FILIP1: variants seen among roughly 807,000 people sequenced by gnomAD.
FILIP1 encodes the protein filamin A interacting protein 1, also known as filamin-A-interacting protein 1.
Under a neutral mutation model 102.1 loss-of-function variants are expected in FILIP1, and 61 were observed. The ratio of observed to expected loss-of-function variants is 0.60; its 90% CI spans 0.49 to 0.74. The LOEUF (loss-of-function observed/expected upper bound fraction) is 0.74. FILIP1 is among the 30% of genes least tolerant of loss of function. The pLI, the probability that FILIP1 is intolerant of heterozygous loss-of-function variation, is 0.00. For synonymous variants in FILIP1, 491 were observed against 526.9 expected (o/e 0.93, Z 0.93); for missense variants, 1,314 against 1,441.2 (o/e 0.91, Z 1.43).
At chr6:75,343,494 G>A (rs567985348) in intron 4 of FILIP1, among the ~76,000 whole-genome samples, 5 of 152,192 alleles carry the variant, frequency 3.3e-5, no homozygotes, top group African/African-American at 1.2e-4. Flanking sequence ...CCCTCCTACA[G>A]CATAAACTTC....
intron 4 of FILIP1, among the ~76,000 whole-genome samples, chr6:75,336,663 T>A (rs1390232470): frequency 6.6e-6 from 1 of 152,164 alleles, no homozygotes; most frequent in Non-Finnish European, 1.5e-5. Flanking sequence ...TAGAGACAAA[T>A]GATAATAGCA....
At chr6:75,295,816 G>A (rs528876245) in exon 7 of FILIP1, 9 of 747,722 alleles carry the variant, frequency 1.2e-5, no homozygotes, top group Middle Eastern at 2.5e-4. Flanking sequence ...GTAGTGATCA[G>A]TAGCATGGAG....
intron 1 of FILIP1, chr6:75,458,062 C>G (rs981233195): frequency 6.6e-6 from 1 of 152,144 alleles, no homozygotes; most frequent in South Asian, 2.1e-4. Flanking sequence ...AAAAAACAAG[C>G]AAGTTTTTAG....
intron 2 of FILIP1, 65 bp downstream of exon 2, chr6:75,414,632 A>G: frequency 6.9e-7 from 1 of 1,440,174 alleles, no homozygotes; most frequent in Non-Finnish European, 9.5e-7. Context: ...GAACAGATTT[A>G]CATTCTCTTA....
chr6:75,292,316 A>G (rs1182956915), exon 7 of FILIP1: 2 of 152,214 alleles, frequency 1.3e-5, no homozygotes, highest in East Asian at 3.8e-4. Flanking sequence ...ATAGTTCTGC[A>G]TTATTAAAGT....
In FILIP1 at chr6:75,297,233, C is replaced by T. The variant is rs77257566; in HGVS notation, c.3494-1283G>A. On this transcript the variant is annotated intron_variant, in intron 6 of 6. Transcript: ENST00000393004. Reference sequence around the variant, plus strand: ...ACCTAGTATTTAAGTTTTATTTTTACTTATGTAGTTAGTATATAAGTAAAC... The same window carrying T: ...ACCTAGTATTTAAGTTTTATTTTTATTTATGTAGTTAGTATATAAGTAAAC... Among the ~76,000 whole-genome samples, 407 of 152,146 alleles carry T rather than the reference C, an allele frequency of 2.7e-3. 10 individuals carry two copies. The East Asian group carries it at 0.065, about 24-fold the overall frequency.
chr6:75,442,078 G>T (rs977190731), intron 1 of FILIP1, among the ~76,000 whole-genome samples: 1 of 151,756 alleles, frequency 6.6e-6, no homozygotes, highest in African/African-American at 2.4e-5. Flanking sequence ...CTTCTCAGAC[G>T]GGGCGGCCGG....
chr6:75,421,267 A>T (rs1428231364), intron 1 of FILIP1, among the ~76,000 whole-genome samples: 1 of 152,170 alleles, frequency 6.6e-6, no homozygotes, highest in Non-Finnish European at 1.5e-5. Context: ...TGCAGGATGG[A>T]AAGTGGTTAG....
intron 1 of FILIP1, among the ~76,000 whole-genome samples, chr6:75,429,885 T>A (rs1367681632): frequency 6.6e-6 from 1 of 152,198 alleles, no homozygotes; most frequent in Non-Finnish European, 1.5e-5. Flanking sequence ...TGATACTGCA[T>A]AACAAGCACA....
intron 4 of FILIP1, among the ~76,000 whole-genome samples, chr6:75,330,622 T>C (rs1165907592): frequency 2.6e-5 from 4 of 152,222 alleles, no homozygotes; most frequent in African/African-American, 9.6e-5. Context: ...CCTGTAGTTA[T>C]ATTTATGATT....
chr6:75,352,973 C>CCAAA (rs1774861298), intron 4 of FILIP1, among the ~76,000 whole-genome samples: 1 of 146,648 alleles, frequency 6.8e-6, no homozygotes, highest in Non-Finnish European at 1.5e-5. Context: ...TAGTTTTTCT[C>CCAAA]TTTGGAGAGG....
intron 6 of FILIP1, among the ~76,000 whole-genome samples, chr6:75,302,823 CATGAT>C (rs61429237): frequency 0.19 from 29,014 of 149,092 alleles, 3,038 homozygotes; most frequent in Non-Finnish European, 0.24. Context: ...TATGATATGA[CATGAT>C]ATGATATGAT....
intron 4 of FILIP1, among the ~76,000 whole-genome samples, chr6:75,349,294 T>C (rs757199596): frequency 4.6e-5 from 7 of 152,248 alleles, no homozygotes; most frequent in Admixed American, 3.3e-4. Context: ...GCAGGACAAA[T>C]GTGGAGAACG....
chr6:75,438,581 T>C (rs1269195179), intron 1 of FILIP1, among the ~76,000 whole-genome samples: 1 of 152,092 alleles, frequency 6.6e-6, no homozygotes, highest in South Asian at 2.1e-4. Context: ...GCAATTAGCA[T>C]AGGGCTTTCA....
At chr6:75,303,187 G>A (rs1025441314), downstream of FILIP1, among the ~76,000 whole-genome samples, 2 of 152,022 alleles carry the variant, frequency 1.3e-5, no homozygotes, top group African/African-American at 4.8e-5. Flanking sequence ...AGAATAATAA[G>A]AGAAGGAGAA....
intron 1 of FILIP1, among the ~76,000 whole-genome samples, chr6:75,446,237 C>T (rs1442116676): frequency 6.6e-6 from 1 of 152,104 alleles, no homozygotes; most frequent in Non-Finnish European, 1.5e-5. Context: ...CTTTTCATAG[C>T]TAATGGTAGA....
At position 75,340,764 on chromosome 6, in the gene FILIP1, A is replaced by G. The variant is rs561674136; in HGVS notation, c.629+12775T>C. ...AGGCTGCAATGCAGTGGCATGATCTAGGCTCACTGCAACCTCTGCCTCCCG... is the reference window on the plus strand; with the variant it reads ...AGGCTGCAATGCAGTGGCATGATCTGGGCTCACTGCAACCTCTGCCTCCCG... On this transcript the variant is annotated intron_variant, in intron 4 of 5. Transcript: ENST00000237172. Among the ~76,000 whole-genome samples the G allele has an allele frequency of 2.0e-5, 3 of 151,200 alleles. No individual in the cohort carries two copies. The East Asian group carries it at 5.8e-4, about 29-fold the overall frequency.
At chr6:75,452,963 G>A (rs1267036790) in intron 1 of FILIP1, among the ~76,000 whole-genome samples, 2 of 152,192 alleles carry the variant, frequency 1.3e-5, no homozygotes, top group African/African-American at 2.4e-5. Flanking sequence ...GATCAAGAAC[G>A]TTGATAACTG....
intron 1 of FILIP1, among the ~76,000 whole-genome samples, chr6:75,488,182 G>A (rs1473649579): frequency 5.3e-5 from 8 of 152,112 alleles, no homozygotes; most frequent in Admixed American, 5.2e-4. Flanking sequence ...AAAGCCCTCA[G>A]AGACAGAGCA....
Sources: allele counts gnomAD v4.1 joint callset (sites outside exome capture counted in the v4.1 genomes callset), GRCh38; gene constraint gnomAD v4.1.1; transcripts MANE v1.5; gene names NCBI Gene and HGNC (gene_info 2026-07-23, HGNC 2026-07-21).